SNX7: variants seen among roughly 807,000 people sequenced by gnomAD.
SNX7 encodes sorting nexin 7.
SNX7 carries 35 observed loss-of-function variants against 48.4 expected under a neutral mutation model. The ratio of observed to expected loss-of-function variants is 0.72; its 90% CI spans 0.55 to 0.96. SNX7 has a LOEUF of 0.96. SNX7 is among the 40% of genes least tolerant of loss of function. The pLI, the probability that SNX7 is intolerant of heterozygous loss-of-function variation, is 0.00. For missense variants in SNX7, 553 were observed against 548.9 expected (o/e 1.01, Z -0.07); for synonymous variants, 190 against 190.2 (o/e 1.00, Z 0.01).
At chr1:98,703,022 A>G (rs769080469) in intron 7 of SNX7, among the ~76,000 whole-genome samples, 5 of 151,842 alleles carry the variant, frequency 3.3e-5, no homozygotes, top group Non-Finnish European at 7.4e-5. Flanking sequence ...ATCACTTCCT[A>G]ACATATGACT....
chr1:98,716,936 A>G (rs1652623362), intron 7 of SNX7, among the ~76,000 whole-genome samples: 1 of 152,038 alleles, frequency 6.6e-6, no homozygotes, highest in African/African-American at 2.4e-5. Context: ...ATTTTAAGGC[A>G]AGTAACAATT....
chr1:98,757,854 T>C (rs938210009), intron 8 of SNX7, among the ~76,000 whole-genome samples: 16 of 152,068 alleles, frequency 1.1e-4, no homozygotes, highest in African/African-American at 2.9e-4. Flanking sequence ...CTTCCTCACA[T>C]TGACCTTTCA....
At chr1:98,735,551 C>T (rs964400642) in intron 7 of SNX7, among the ~76,000 whole-genome samples, 1 of 151,966 alleles carries the variant, frequency 6.6e-6, no homozygotes, top group Admixed American at 6.6e-5. Flanking sequence ...TACCTAGACA[C>T]TAGTAGAAGA....
At chr1:98,684,649 A>G (rs1198262208) in intron 1 of SNX7, among the ~76,000 whole-genome samples, 1 of 152,150 alleles carries the variant, frequency 6.6e-6, no homozygotes, top group South Asian at 2.1e-4. Flanking sequence ...CATTCAAACC[A>G]TAGCAATCCT....
chr1:98,670,950 G>T lies in SNX7; in HGVS notation c.180+9039G>T, dbSNP rs1405644911. ...GTTATTACAAATATTTTGAGAAAAT[G>T]ATGTTAAAAGGCTCCAGATTTAAAC... On this transcript the variant is annotated intron_variant, in intron 1 of 8. Coordinates refer to ENST00000306121, the MANE Select transcript of SNX7 (RefSeq NM_015976.5). 2.0e-5 allele frequency among the ~76,000 whole-genome samples: 3 copies of T among 152,086 alleles called. No homozygotes were observed. The East Asian group carries it at 5.8e-4, about 29-fold the overall frequency.
chr1:98,728,213 G>C (rs1653294202), intron 7 of SNX7, among the ~76,000 whole-genome samples: 1 of 152,182 alleles, frequency 6.6e-6, no homozygotes, highest in South Asian at 2.1e-4. Flanking sequence ...CAAGCCAGAA[G>C]TGTTTGGTGG....
rs549581384 is a variant in SNX7, at chr1:98,671,745, A to T, written c.180+9834A>T. ...CCACTCATCTAAATTTTCTGTTTAT[A>T]TAAATTTGTCTTTTTAGGTAATTTC... On this transcript the variant is annotated intron_variant, in intron 1 of 8. Coordinates refer to ENST00000306121, the MANE Select transcript of SNX7 (RefSeq NM_015976.5). 9.2e-5 allele frequency among the ~76,000 whole-genome samples: 14 copies of T among 152,144 alleles called. No homozygotes were observed. In the South Asian group the frequency reaches 1.2e-3, roughly 13 times the overall value.
At chr1:98,710,189 G>A (rs957154717) in intron 7 of SNX7, among the ~76,000 whole-genome samples, 55 of 152,204 alleles carry the variant, frequency 3.6e-4, no homozygotes, top group African/African-American at 1.2e-3. Context: ...GAAAAATACC[G>A]TACTATTTTC....
intron 8 of SNX7, among the ~76,000 whole-genome samples, chr1:98,756,780 T>A: frequency 6.6e-6 from 1 of 152,094 alleles, no homozygotes; most frequent in East Asian, 1.9e-4. Flanking sequence ...AGCCAGGTAA[T>A]GTCTCCCTTC....
intron 4 of SNX7, among the ~76,000 whole-genome samples, chr1:98,693,226 CCTTA>C (rs1375899570): frequency 6.6e-5 from 10 of 151,948 alleles, no homozygotes; most frequent in Non-Finnish European, 1.2e-4. Flanking sequence ...AATATAATCT[CCTTA>C]CTTTTCCTTT....
chr1:98,685,233 C>G (rs1444579667), intron 2 of SNX7, among the ~76,000 whole-genome samples, 166 bp downstream of exon 2: 2 of 152,048 alleles, frequency 1.3e-5, no homozygotes, highest in Non-Finnish European at 2.9e-5. Flanking sequence ...CTGCCCTTCA[C>G]TTGTTCTGTA....
At chr1:98,744,344 G>T (rs1179454048) in intron 8 of SNX7, among the ~76,000 whole-genome samples, 1 of 151,962 alleles carries the variant, frequency 6.6e-6, no homozygotes, top group Non-Finnish European at 1.5e-5. Context: ...TGACACAATT[G>T]TACCTGTGGA....
chr1:98,667,695 TCTAA>T (rs1557783916), intron 1 of SNX7, among the ~76,000 whole-genome samples: 1 of 152,080 alleles, frequency 6.6e-6, no homozygotes, highest in Non-Finnish European at 1.5e-5. Context: ...GAGTAGGGAC[TCTAA>T]CTACATTGCC....
At chr1:98,715,632 G>A (rs912960221) in intron 7 of SNX7, among the ~76,000 whole-genome samples, 3 of 152,116 alleles carry the variant, frequency 2.0e-5, no homozygotes, top group Non-Finnish European at 4.4e-5. Flanking sequence ...AATTTGATGA[G>A]TGGGACCATC....
intron 7 of SNX7, among the ~76,000 whole-genome samples, chr1:98,735,362 T>C (rs1237921772): frequency 6.6e-6 from 1 of 152,182 alleles, no homozygotes; most frequent in African/African-American, 2.4e-5. Flanking sequence ...AGGAAATACC[T>C]AATTTTTTTA....
At chr1:98,720,512 C>T (rs1652808144) in intron 7 of SNX7, among the ~76,000 whole-genome samples, 4 of 151,718 alleles carry the variant, frequency 2.6e-5, no homozygotes, top group Admixed American at 2.6e-4. Flanking sequence ...TTGAGTGAAC[C>T]CCTAATTTTT....
chr1:98,672,460 C>T (rs568970280), intron 1 of SNX7, among the ~76,000 whole-genome samples: 2 of 148,548 alleles, frequency 1.3e-5, no homozygotes, highest in South Asian at 4.8e-4. Flanking sequence ...AGATGTAATC[C>T]GCTCACAGGA....
chr1:98,707,653 G>T lies in SNX7; in HGVS notation c.1125+5750G>T, dbSNP rs192741646. ...GATTTATAGTTTTCCACTGAAAGCA[G>T]CATTCAAATATAAATGAATATGAAT... On this transcript the variant is annotated intron_variant, in intron 7 of 8. Coordinates refer to ENST00000306121, the MANE Select transcript of SNX7 (RefSeq NM_015976.5). 2.0e-3 allele frequency among the ~76,000 whole-genome samples: 298 copies of T among 152,284 alleles called. 1 individual carries two copies. Among genetic ancestry groups the T allele is most frequent in the Non-Finnish European group, 3.2e-3 (215 of 68,036 alleles).
intron 7 of SNX7, among the ~76,000 whole-genome samples, chr1:98,730,934 T>C (rs1440951839): frequency 1.3e-5 from 2 of 152,060 alleles, no homozygotes; most frequent in African/African-American, 4.8e-5. Context: ...TGTTCCCACT[T>C]ATAAATGGGA....
Sources: allele counts gnomAD v4.1 joint callset (sites outside exome capture counted in the v4.1 genomes callset), GRCh38; gene constraint gnomAD v4.1.1; transcripts MANE v1.5; gene names NCBI Gene and HGNC (gene_info 2026-07-23, HGNC 2026-07-21).